The following CRYBA1 variants were observed in gnomAD, a reference collection of about 807,000 sequenced individuals.
The protein encoded by CRYBA1 is beta-crystallin A3.
Under a neutral mutation model 36.2 loss-of-function variants are expected in CRYBA1, and 25 were observed. The ratio of observed to expected loss-of-function variants is 0.69; its 90% CI spans 0.50 to 0.97. The LOEUF is 0.97. Ranked by LOEUF, CRYBA1 falls within the 50% of genes least tolerant of loss-of-function variation. The probability of loss-of-function intolerance (pLI) is 0.00; values close to 1 mark genes in which losing one functional copy is unlikely to be tolerated. For synonymous variants in CRYBA1, 111 were observed against 90.0 expected (o/e 1.23, Z -1.32); for missense variants, 224 against 276.3 (o/e 0.81, Z 1.34).
At chr17:29,248,216 G>A (rs1254509146) in intron 1 of CRYBA1, among the ~76,000 whole-genome samples, 1 of 152,124 alleles carries the variant, frequency 6.6e-6, no homozygotes, top group Non-Finnish European at 1.5e-5. Context: ...TGGCATGGCT[G>A]GCTGTTTGGC....
At chr17:29,251,130 AG>A in intron 3 of CRYBA1, among the ~76,000 whole-genome samples, 1 of 152,358 alleles carries the variant, frequency 6.6e-6, no homozygotes, top group East Asian at 1.9e-4. Context: ...CGCAAGTCAC[AG>A]GAAGAAAAAA....
chr17:29,254,468 C>A lies in CRYBA1; in HGVS notation c.*119C>A. On this transcript the variant is annotated 3_prime_UTR_variant, in exon 6 of 6. Transcript: ENST00000225387. Reference sequence around the variant, plus strand: ...TTCAAATGTTAGCTGCTGAAATCCACAATAAACGTCATTTAAAAAAAAAAA... The same window carrying A: ...TTCAAATGTTAGCTGCTGAAATCCAAAATAAACGTCATTTAAAAAAAAAAA... The A allele has an allele frequency of 2.9e-6, 3 of 1,052,010 alleles. No homozygotes were observed. Among genetic ancestry groups the A allele is most frequent in the Non-Finnish European group, 4.3e-6 (3 of 704,690 alleles). The allele number at this position is 1,052,010 out of a possible 1,614,324, so 65.2% of individuals were successfully genotyped here.
At chr17:29,251,962 A>T (rs1286568290) in intron 3 of CRYBA1, 102 bp from the exon 4 acceptor site, 1 of 1,470,244 alleles carries the variant, frequency 6.8e-7, no homozygotes, top group East Asian at 2.3e-5. Flanking sequence ...GATTGGCTTG[A>T]TATTTTACCC....
chr17:29,250,908 T>C (rs2068931914), intron 3 of CRYBA1, among the ~76,000 whole-genome samples: 2 of 152,110 alleles, frequency 1.3e-5, no homozygotes, highest in African/African-American at 4.8e-5. Flanking sequence ...AGCCTGAAAA[T>C]ACCTAAGGAA....
chr17:29,247,819 A>G (rs904697654), intron 1 of CRYBA1, among the ~76,000 whole-genome samples: 1 of 152,236 alleles, frequency 6.6e-6, no homozygotes, highest in African/African-American at 2.4e-5. Context: ...TAGGAGATAG[A>G]AAAGCAGAAA....
chr17:29,252,262 G>A (rs1194184025), intron 4 of CRYBA1, 57 bp downstream of exon 4: 2 of 1,606,070 alleles, frequency 1.2e-6, no homozygotes, highest in East Asian at 4.5e-5. Flanking sequence ...AGAGGGTGTG[G>A]ACAGACTGAC....
chr17:29,248,492 G>T (rs2068915201), intron 1 of CRYBA1, among the ~76,000 whole-genome samples: 1 of 151,260 alleles, frequency 6.6e-6, no homozygotes, highest in South Asian at 2.1e-4. Context: ...AGCCTCCCGA[G>T]TAGCTGGGAC....
chr17:29,252,351 C>A (rs1465533871), intron 4 of CRYBA1, 146 bp downstream of exon 4: 2 of 1,196,998 alleles, frequency 1.7e-6, no homozygotes, highest in Non-Finnish European at 1.2e-6. Flanking sequence ...ACATCACTTT[C>A]TTCTCTAAGC....
chr17:29,249,377 C>G (rs2068921802), intron 2 of CRYBA1, among the ~76,000 whole-genome samples, 171 bp downstream of exon 2: 1 of 152,174 alleles, frequency 6.6e-6, no homozygotes, highest in Non-Finnish European at 1.5e-5. Flanking sequence ...TCAGGATGTC[C>G]CACTGGACAA....
intron 1 of CRYBA1, among the ~76,000 whole-genome samples, chr17:29,247,526 C>T (rs1178822627): frequency 1.3e-5 from 2 of 152,220 alleles, no homozygotes; most frequent in East Asian, 3.9e-4. Flanking sequence ...TGTAGATAGC[C>T]ATTTTTGAGT....
rs764108069 is a variant in CRYBA1 at position 29,249,196 on chromosome 17, G to C, written c.86G>C (p.Gly29Ala). 5 of 1,611,182 alleles carry C rather than the reference G, an allele frequency of 3.1e-6. No homozygotes were observed. The Admixed American group carries it at 5.0e-5, about 16-fold the overall frequency. ...AQTNPTPGSL[G>A]PWKITIYDQE... The stretch of plus-strand genomic sequence containing the variant: ...ACCAACCCTACGCCGGGGTCCCTGG[G>C]GCCATGGAAGGTAAGCCCACCCCCA... Residue 29 changes from glycine (G) to alanine (A), a missense_variant, in exon 2 of 6, where the codon GGG becomes GCG. Coordinates refer to ENST00000225387, the MANE Select transcript of CRYBA1 (RefSeq NM_005208.5).
chr17:29,253,751 G>A lies in CRYBA1; in HGVS notation c.469G>A (p.Glu157Lys), dbSNP rs753905999. 9 of 1,614,052 alleles carry A rather than the reference G, an allele frequency of 5.6e-6. No individual in the cohort carries two copies. Among genetic ancestry groups the A allele is most frequent in the Middle Eastern group, 1.6e-4 (1 of 6,084 alleles). ...SLQAMGWFNN[E>K]VGSMKIQSGA... is the part of the protein sequence containing the mutation. ...GCAAGCCATGGGCTGGTTCAACAACGAAGTCGGCTCCATGAAGATACAAAG... is the reference window on the plus strand; with the variant it reads ...GCAAGCCATGGGCTGGTTCAACAACAAAGTCGGCTCCATGAAGATACAAAG... The change falls in exon 5 of 6, where the codon GAA becomes AAA. Residue 157 changes from glutamate (E) to lysine (K), a missense_variant. By Grantham distance (56) the Glu-to-Lys change is moderately conservative. Transcript: ENST00000225387.
At position 29,253,869 on chromosome 17, in the gene CRYBA1, A is replaced by G. The variant is rs145245908; in HGVS notation, c.500+87A>G. On this transcript the variant is annotated intron_variant, in intron 5 of 5. Coordinates refer to ENST00000225387, the MANE Select transcript of CRYBA1 (RefSeq NM_005208.5). ...TATGTTTTAATCAGATTTCATACGT[A>G]TCGGTATAGATGTCACATTCTAGTT... 7.4e-4 allele frequency: 1,071 copies of G among 1,451,028 alleles called. 15 individuals carry two copies. In the East Asian group the frequency reaches 0.023, roughly 31 times the overall value. 89.9% of individuals were successfully genotyped at this position (1,451,028 alleles called of 1,614,324 possible).
At chr17:29,249,539 A>G (rs1470469742) in intron 2 of CRYBA1, among the ~76,000 whole-genome samples, 2 of 152,164 alleles carry the variant, frequency 1.3e-5, no homozygotes, top group Non-Finnish European at 2.9e-5. Flanking sequence ...GATATTTACT[A>G]CTAGATCCCA....
chr17:29,250,768 C>T (rs1517623), intron 3 of CRYBA1, among the ~76,000 whole-genome samples: 6,094 of 152,186 alleles, frequency 0.04, 169 homozygotes, highest in African/African-American at 0.08. Context: ...CTTAACCCCA[C>T]GACTCCAGAG....
intron 3 of CRYBA1, 31 bp downstream of exon 3, chr17:29,250,331 C>T: frequency 1.6e-6 from 2 of 1,279,248 alleles, no homozygotes; most frequent in Non-Finnish European, 2.3e-6. Context: ...AACCGCAGCC[C>T]CTTATTTCAG....
Position 29,254,218 on chromosome 17 carries a change from T to A in CRYBA1, c.517T>A (p.Tyr173Asn). ...IQSGAWVCYQ[Y>N]PGYRGYQYIL... ...ATTTCCTAGCTGGGTTTGCTACCAATATCCTGGATATCGTGGGTATCAGTA... is the reference window on the plus strand; with the variant it reads ...ATTTCCTAGCTGGGTTTGCTACCAAAATCCTGGATATCGTGGGTATCAGTA... Residue 173 changes from tyrosine to asparagine, a missense_variant, in exon 6 of 6, where the codon TAT becomes AAT. Coordinates refer to ENST00000225387, the MANE Select transcript of CRYBA1 (RefSeq NM_005208.5). 1 of 1,614,186 alleles carries A rather than the reference T, an allele frequency of 6.2e-7. No individual in the cohort carries two copies. Among genetic ancestry groups the A allele is most frequent in the Non-Finnish European group, 8.5e-7 (1 of 1,180,020 alleles).
In CRYBA1 at chr17:29,249,894, CA is replaced by C. The variant is rs79334339; in HGVS notation, c.97-287del. 0.11 allele frequency among the ~76,000 whole-genome samples: 16,918 copies of C among 152,246 alleles called. 1,069 individuals are homozygous for C. The highest frequency in any genetic ancestry group is 0.3 in the East Asian group (1,542 of 5,182). On this transcript the variant is annotated intron_variant, in intron 2 of 5. Coordinates refer to ENST00000225387, the MANE Select transcript of CRYBA1 (RefSeq NM_005208.5). Reference sequence around the variant, plus strand: ...AAGGAACTGTGGTGGAATGGGAGCCCATAAGTCCTTGGCCTGTCCATTGGTC... The same window carrying C: ...AAGGAACTGTGGTGGAATGGGAGCCCTAAGTCCTTGGCCTGTCCATTGGTC...
At position 29,253,624 on chromosome 17, in the gene CRYBA1, A is replaced by G. The variant is rs566701359; in HGVS notation, c.358-16A>G. ...GCACTAGTACTAAACATTTTAAAAC[A>G]ATTTCTGAATTACAGAATCATAAGG... On this transcript the variant is annotated splice_polypyrimidine_tract_variant and intron_variant, in intron 4 of 5. Transcript: ENST00000225387. The G allele has an allele frequency of 3.1e-6, 5 of 1,607,746 alleles. No homozygotes were observed. In the African/African-American group the frequency reaches 4.0e-5, roughly 13 times the overall value.
Sources: allele counts gnomAD v4.1 joint callset (sites outside exome capture counted in the v4.1 genomes callset), GRCh38; gene constraint gnomAD v4.1.1; transcripts MANE v1.5; gene names NCBI Gene and HGNC (gene_info 2026-07-23, HGNC 2026-07-21).